Variants in ERP44 observed in about 807,000 individuals in gnomAD.
ERP44 encodes the protein endoplasmic reticulum resident protein 44.
A neutral mutation model predicts 53.4 loss-of-function variants in ERP44; 25 were observed. The observed-to-expected ratio is 0.47, with a 90% CI of 0.34 to 0.65. The LOEUF is 0.65. Among genes scored for constraint, ERP44 ranks in the 30% least tolerant of loss-of-function variants. The pLI is 0.01. For synonymous variants in ERP44, 145 were observed against 161.2 expected (o/e 0.90, Z 0.76); for missense variants, 338 against 493.2 (o/e 0.69, Z 2.98).
chr9:100,009,403 C>T (rs1376145351), intron 8 of ERP44, among the ~76,000 whole-genome samples: 1 of 152,146 alleles, frequency 6.6e-6, no homozygotes, highest in African/African-American at 2.4e-5. Context: ...TGAGCCACTG[C>T]GCCCAGCCCC....
At chr9:99,985,901 C>T (rs903529481) in intron 10 of ERP44, among the ~76,000 whole-genome samples, 11 of 152,158 alleles carry the variant, frequency 7.2e-5, no homozygotes, top group South Asian at 2.1e-4. Flanking sequence ...TACACCCTTG[C>T]GGCATTCTCT....
At position 100,017,495 on chromosome 9, in the gene ERP44, G is replaced by A. The variant is rs1266683665; in HGVS notation, c.645+761C>T. Among the ~76,000 whole-genome samples, 4 of 152,156 alleles carry A rather than the reference G, an allele frequency of 2.6e-5. No individual in the cohort carries two copies. In the South Asian group the frequency reaches 8.3e-4, roughly 32 times the overall value. ...TACTAAGTAAGCTACTCAAAGAAAT[G>A]TACTTGCAAAAAATATAAGCAAACA... is the stretch of plus-strand genomic sequence containing the variant. On this transcript the variant is annotated intron_variant, in intron 7 of 11. Coordinates refer to ENST00000262455, the MANE Select transcript of ERP44 (RefSeq NM_015051.3).
At chr9:99,990,652 T>A (rs1830243413) in intron 10 of ERP44, among the ~76,000 whole-genome samples, 1 of 152,120 alleles carries the variant, frequency 6.6e-6, no homozygotes. Context: ...AGGATCAAAT[T>A]CACACCTAAC....
intron 1 of ERP44, among the ~76,000 whole-genome samples, chr9:100,068,892 G>A (rs965763219): frequency 3.3e-5 from 5 of 152,220 alleles, no homozygotes; most frequent in East Asian, 1.9e-4. Flanking sequence ...GATGGTTGCC[G>A]TGTCTGTGTA....
intron 1 of ERP44, among the ~76,000 whole-genome samples, chr9:100,088,563 A>G (rs1168665549): frequency 6.6e-6 from 1 of 152,214 alleles, no homozygotes; most frequent in Non-Finnish European, 1.5e-5. Flanking sequence ...GTTATTAAGC[A>G]TTTACTCTAT....
At chr9:99,999,620 C>T (rs1035834098) in intron 10 of ERP44, among the ~76,000 whole-genome samples, 21 of 152,168 alleles carry the variant, frequency 1.4e-4, no homozygotes, top group African/African-American at 4.6e-4. Flanking sequence ...TCCTTTTTCC[C>T]ATTCTGTAGG....
At chr9:100,020,588 C>G in intron 6 of ERP44, 28 bp downstream of exon 6, 1 of 1,223,132 alleles carries the variant, frequency 8.2e-7, no homozygotes, top group Non-Finnish European at 1.2e-6. Flanking sequence ...AACCAACCCA[C>G]TAACACACTT....
In ERP44 at chr9:99,993,574, G is replaced by A. The variant is rs1016846997; in HGVS notation, c.1017-8505C>T. On this transcript the variant is annotated intron_variant, in intron 10 of 11. Transcript: ENST00000262455. ...CATAAAAACCCTAGAAGAAAACCTA[G>A]GCAATACCATTCAGGACATAGGCAT... Among the ~76,000 whole-genome samples, 3 of 152,322 alleles carry A rather than the reference G, an allele frequency of 2.0e-5. No homozygotes were observed. The South Asian group carries it at 6.2e-4, about 32-fold the overall frequency.
At chr9:100,000,455 CTT>C (rs1436412033) in intron 10 of ERP44, among the ~76,000 whole-genome samples, 1 of 131,730 alleles carries the variant, frequency 7.6e-6, no homozygotes, top group Non-Finnish European at 1.6e-5. Flanking sequence ...AAAAAAAAAA[CTT>C]TCTCCCTTCT....
chr9:99,999,137 C>A (rs1012040987), intron 10 of ERP44: 11 of 577,538 alleles, frequency 1.9e-5, no homozygotes, highest in Non-Finnish European at 3.1e-5. Flanking sequence ...CACAGTGTAC[C>A]GCGCTGGGAG....
intron 10 of ERP44, among the ~76,000 whole-genome samples, chr9:99,999,232 T>C (rs76345285): frequency 0.015 from 2,308 of 151,324 alleles, 23 homozygotes; most frequent in Middle Eastern, 0.027. Flanking sequence ...TTTTTTCATA[T>C]GTTTGTTGGC....
chr9:100,014,165 A>G (rs1202353451), intron 8 of ERP44, among the ~76,000 whole-genome samples: 1 of 152,248 alleles, frequency 6.6e-6, no homozygotes, highest in Non-Finnish European at 1.5e-5. Context: ...GGGTTTGGAA[A>G]TACTTTATTT....
At chr9:100,065,793 A>AGATT (rs1826204380) in intron 1 of ERP44, among the ~76,000 whole-genome samples, 1 of 152,248 alleles carries the variant, frequency 6.6e-6, no homozygotes, top group Non-Finnish European at 1.5e-5. Context: ...AGAGGCTAAT[A>AGATT]AAACATCAGG....
chr9:100,094,974 GAAAAAAAA>G (rs942932783), intron 1 of ERP44, among the ~76,000 whole-genome samples: 1 of 51,074 alleles, frequency 2.0e-5, no homozygotes, highest in Non-Finnish European at 4.2e-5. Context: ...TCTGCCTCAA[GAAAAAAAA>G]AAAAAAAAAG....
At position 100,098,936 on chromosome 9, in the gene ERP44, G is replaced by A. The variant is rs938283939; in HGVS notation, c.-96C>T. ...AAAGGGCTGGGCTCCGGGAGCCGAC[G>A]GCAGCGGAGGATTCTCCAGGCAGCG... is the stretch of plus-strand genomic sequence containing the variant. On this transcript the variant is annotated 5_prime_UTR_variant, in exon 1 of 12. Coordinates refer to ENST00000262455, the MANE Select transcript of ERP44 (RefSeq NM_015051.3). 5.3e-6 allele frequency: 5 copies of A among 945,318 alleles called. No homozygotes were observed. The highest frequency in any genetic ancestry group is 2.1e-5 in the Admixed American group (1 of 46,660). The allele number at this position is 945,318 out of a possible 1,614,324, so 58.6% of individuals were successfully genotyped here.
chr9:100,006,558 C>A lies in ERP44; in HGVS notation c.964G>T (p.Ala322Ser), dbSNP rs1334306852. The stretch of plus-strand genomic sequence containing the variant: ...TACATATGCCTAAAGCTGTCAATAG[C>A]GATTACAGGACAATCTGCTGGAGTT... ...QKTPADCPVIAIDSFRHMYVF... is the reference protein window; with the variant it reads ...QKTPADCPVISIDSFRHMYVF... The change falls in exon 10 of 12, where the codon GCT becomes TCT. Residue 322 changes from alanine (A) to serine (S), a missense_variant. This residue lies in a region of ERP44 where 113 missense variants were observed against 172.6 expected (regional missense o/e 0.65). Transcript: ENST00000262455. 5.0e-6 allele frequency: 8 copies of A among 1,610,210 alleles called. No individual in the cohort carries two copies. Among genetic ancestry groups the A allele is most frequent in the African/African-American group, 2.7e-5 (2 of 74,764 alleles).
At chr9:99,984,197 T>G (rs1162648005) in intron 11 of ERP44, among the ~76,000 whole-genome samples, 2 of 152,202 alleles carry the variant, frequency 1.3e-5, no homozygotes, top group African/African-American at 2.4e-5. Context: ...TATTTTCCTT[T>G]TATAAATAGA....
rs2118614073 is a variant in ERP44 at position 99,995,528 on chromosome 9, A to G, written c.1017-10459T>C. Among the ~76,000 whole-genome samples the G allele has an allele frequency of 1.4e-5, 2 of 141,674 alleles. 1 individual carries two copies. Among genetic ancestry groups the G allele is most frequent in the South Asian group, 4.2e-4 (2 of 4,764 alleles). The allele number at this position is 141,674 out of a possible 152,430, so 92.9% of individuals were successfully genotyped here. A position where few individuals can be genotyped will look rare whatever the true frequency, so the allele number is the denominator to read the frequency against. ...TTTTTTAAAAATCTCCCCAATCCCC[A>G]TAACCCCCAGCCTCTGGTAACAACC... On this transcript the variant is annotated intron_variant, in intron 10 of 11. Transcript: ENST00000262455.
chr9:99,996,049 GTC>G (rs1272708380), intron 10 of ERP44, among the ~76,000 whole-genome samples: 1 of 148,152 alleles, frequency 6.7e-6, no homozygotes, highest in Non-Finnish European at 1.5e-5. Flanking sequence ...CACCGCTTTT[GTC>G]TCTTTTATAA....
Sources: gnomAD v4.1 joint callset for allele counts (sites outside exome capture counted in the v4.1 genomes callset) on GRCh38, gnomAD v4.1.1 for gene constraint, gnomAD v4.1.1 regional missense constraint, MANE v1.5 for transcripts, NCBI Gene and HGNC (gene_info 2026-07-23, HGNC 2026-07-21) for gene names.